The following RIMS2 variants were observed in gnomAD, a reference collection of about 807,000 sequenced individuals.
RIMS2 encodes regulating synaptic membrane exocytosis protein 2.
Under a neutral mutation model 174.4 loss-of-function variants are expected in RIMS2, and 59 were observed. The ratio of observed to expected loss-of-function variants is 0.34; its 90% CI spans 0.27 to 0.42. The LOEUF is 0.42. Ranked by LOEUF, RIMS2 falls within the 10% of genes least tolerant of loss-of-function variation. RIMS2 has a pLI of 1.00. For missense variants in RIMS2, 1,620 were observed against 1,666.3 expected, an observed-to-expected ratio of 0.97 and a Z score of 0.48; for synonymous variants, 606 against 572.5, an observed-to-expected ratio of 1.06 and a Z score of -0.84.
At chr8:104,125,533 G>C (rs1345189809) in intron 19 of RIMS2, among the ~76,000 whole-genome samples, 2 of 152,162 alleles carry the variant, frequency 1.3e-5, no homozygotes, top group Non-Finnish European at 2.9e-5. Flanking sequence ...AAATTAAAGA[G>C]CTTGAGTAAA....
At chr8:104,248,923 C>A in intron 21 of RIMS2, 110 bp downstream of exon 27, 1 of 562,580 alleles carries the variant, frequency 1.8e-6, no homozygotes, top group Non-Finnish European at 3.0e-6. Context: ...TTCCCTCTCT[C>A]TCTCCCTCTA....
At chr8:103,861,034 G>GAT (rs2099056045) in intron 3 of RIMS2, among the ~76,000 whole-genome samples, 1 of 151,568 alleles carries the variant, frequency 6.6e-6, no homozygotes, top group East Asian at 1.9e-4. Context: ...TTGTTATATG[G>GAT]ATATATTGCA....
At chr8:103,906,372 G>T (rs1013891764) in intron 4 of RIMS2, among the ~76,000 whole-genome samples, 2 of 152,052 alleles carry the variant, frequency 1.3e-5, no homozygotes, top group Non-Finnish European at 2.9e-5. Flanking sequence ...AGCCTCCCAA[G>T]TAGCTGGGAC....
intron 19 of RIMS2, among the ~76,000 whole-genome samples, chr8:104,203,469 A>G (rs978549204): frequency 1.4e-5 from 2 of 141,664 alleles, no homozygotes; most frequent in East Asian, 4.2e-4. Context: ...TTTAGGAGTT[A>G]TTAGACATGG....
At chr8:103,909,059 G>A (rs2075114520) in intron 4 of RIMS2, among the ~76,000 whole-genome samples, 1 of 151,898 alleles carries the variant, frequency 6.6e-6, no homozygotes, top group Non-Finnish European at 1.5e-5. Flanking sequence ...ATTACTTGAG[G>A]GGTGTTTGCT....
intron 2 of RIMS2, among the ~76,000 whole-genome samples, chr8:103,698,623 A>G (rs1249273531): frequency 6.6e-6 from 1 of 152,048 alleles, no homozygotes; most frequent in Non-Finnish European, 1.5e-5. Flanking sequence ...TCTTTTATAT[A>G]TTAATGGATT....
At chr8:103,946,178 C>T (rs1429270298) in intron 14 of RIMS2, among the ~76,000 whole-genome samples, 1 of 152,138 alleles carries the variant, frequency 6.6e-6, no homozygotes, top group African/African-American at 2.4e-5. Flanking sequence ...TATTCATTAA[C>T]ATTTTAATAC....
At chr8:104,138,639 G>A (rs531479393) in intron 19 of RIMS2, among the ~76,000 whole-genome samples, 12 of 152,046 alleles carry the variant, frequency 7.9e-5, no homozygotes, top group Admixed American at 5.2e-4. Context: ...TTTTCCTGTT[G>A]ACTGAACTCC....
At chr8:103,930,527 T>G (rs2079708912) in intron 11 of RIMS2, among the ~76,000 whole-genome samples, 1 of 152,080 alleles carries the variant, frequency 6.6e-6, no homozygotes, top group Admixed American at 6.6e-5. Context: ...AGGTGATAAC[T>G]GTTAAATCAA....
At chr8:104,129,454 T>C (rs1032313580) in intron 19 of RIMS2, among the ~76,000 whole-genome samples, 1 of 152,236 alleles carries the variant, frequency 6.6e-6, no homozygotes, top group Non-Finnish European at 1.5e-5. Context: ...GCGTTAATTG[T>C]CTGCACATTG....
chr8:103,791,593 G>T (rs937248857), intron 3 of RIMS2, among the ~76,000 whole-genome samples: 1 of 151,984 alleles, frequency 6.6e-6, no homozygotes, highest in African/African-American at 2.4e-5. Context: ...ATATAAATGG[G>T]CTAAATGCTC....
intron 19 of RIMS2, among the ~76,000 whole-genome samples, chr8:104,217,381 G>A (rs985728): frequency 0.19 from 28,433 of 151,830 alleles, 2,920 homozygotes; most frequent in Non-Finnish European, 0.23. Flanking sequence ...TGATCCTCCC[G>A]CCTCAGCTCC....
In RIMS2 at chr8:104,032,801, A is replaced by T. The variant is rs147776811; in HGVS notation, c.3334+18186A>T. Among the ~76,000 whole-genome samples the T allele has an allele frequency of 9.9e-5, 15 of 152,174 alleles. No homozygotes were observed. In the East Asian group the frequency reaches 2.3e-3, roughly 23 times the overall value. On this transcript the variant is annotated intron_variant, in intron 19 of 23. Transcript: ENST00000504942. Reference sequence around the variant, plus strand: ...TAAGACCCATATTTTAAAAGATGTCAATGTAAAAATTAAACTAGTCTTTAA... The same window carrying T: ...TAAGACCCATATTTTAAAAGATGTCTATGTAAAAATTAAACTAGTCTTTAA...
At chr8:103,555,844 A>C (rs940477333) in intron 1 of RIMS2, among the ~76,000 whole-genome samples, 5 of 152,060 alleles carry the variant, frequency 3.3e-5, no homozygotes, top group Non-Finnish European at 7.4e-5. Context: ...GCACAGTGGA[A>C]TACTATTTAA....
intron 7 of RIMS2, among the ~76,000 whole-genome samples, chr8:103,916,206 T>C (rs919181852): frequency 4.6e-5 from 7 of 152,078 alleles, no homozygotes; most frequent in African/African-American, 1.7e-4. Flanking sequence ...CATAATTTTT[T>C]CCTCCGATCA....
At chr8:104,163,840 G>C (rs886585027) in intron 19 of RIMS2, among the ~76,000 whole-genome samples, 5 of 152,054 alleles carry the variant, frequency 3.3e-5, no homozygotes, top group Admixed American at 3.3e-4. Context: ...AATAGGATGA[G>C]AGCTGGTACA....
At chr8:103,952,424 A>G (rs1302870325) in intron 14 of RIMS2, among the ~76,000 whole-genome samples, 1 of 152,202 alleles carries the variant, frequency 6.6e-6, no homozygotes, top group Non-Finnish European at 1.5e-5. Flanking sequence ...ACAGGCATCA[A>G]TCTTCGCTGA....
chr8:103,547,540 G>A (rs1266587573), intron 1 of RIMS2, among the ~76,000 whole-genome samples: 1 of 152,134 alleles, frequency 6.6e-6, no homozygotes, highest in Non-Finnish European at 1.5e-5. Context: ...AGTGCTAAAT[G>A]TTCACATAAA....
At chr8:104,001,971 A>G (rs966673564) in intron 17 of RIMS2, among the ~76,000 whole-genome samples, 1 of 152,034 alleles carries the variant, frequency 6.6e-6, no homozygotes, top group Non-Finnish European at 1.5e-5. Flanking sequence ...AGTTCCTGCC[A>G]TCAAGCCTGA....
Sources: allele counts gnomAD v4.1 joint callset (sites outside exome capture counted in the v4.1 genomes callset), GRCh38; gene constraint gnomAD v4.1.1; transcripts MANE v1.5; gene names NCBI Gene and HGNC (gene_info 2026-07-23, HGNC 2026-07-21).